The following GTF2H1 variants were observed in gnomAD, a reference collection of about 807,000 sequenced individuals.
GTF2H1 encodes general transcription factor IIH subunit 1, also known as BTF2 p62.
Under a neutral mutation model 71.2 loss-of-function variants are expected in GTF2H1, and 16 were observed. The observed-to-expected ratio is 0.22, with a 90% CI of 0.15 to 0.34. The LOEUF (loss-of-function observed/expected upper bound fraction) is 0.34. Ranked by LOEUF, GTF2H1 falls within the 10% of genes least tolerant of loss-of-function variation. GTF2H1 has a pLI of 1.00. For synonymous variants in GTF2H1, 215 were observed against 219.0 expected, an observed-to-expected ratio of 0.98 and a Z score of 0.16; for missense variants, 498 against 648.2, an observed-to-expected ratio of 0.77 and a Z score of 2.52.
intron 11 of GTF2H1, among the ~76,000 whole-genome samples, chr11:18,354,023 T>G (rs529214938): frequency 6.6e-6 from 1 of 152,314 alleles, no homozygotes; most frequent in South Asian, 2.1e-4. Context: ...GGTTTATGAG[T>G]TGTATTTATT....
rs973484048 is a variant in GTF2H1, at chr11:18,341,252, T to A, written c.608-9T>A. On this transcript the variant is annotated splice_polypyrimidine_tract_variant and intron_variant, in intron 5 of 14. Coordinates refer to ENST00000265963, the MANE Select transcript of GTF2H1 (RefSeq NM_005316.4). ...TCAGTATATAATATTTGTGGGTTTT[T>A]TTCCACAGTAAAAATGAAATATGCA... 1 of 1,603,256 alleles carries A rather than the reference T, an allele frequency of 6.2e-7. No homozygotes were observed. The highest frequency in any genetic ancestry group is 8.5e-7 in the Non-Finnish European group (1 of 1,176,422).
intron 11 of GTF2H1, among the ~76,000 whole-genome samples, chr11:18,357,341 T>C (rs1469593936): frequency 6.6e-6 from 1 of 152,218 alleles, no homozygotes; most frequent in African/African-American, 2.4e-5. Flanking sequence ...GCTATATTTA[T>C]TCACTTCCTT....
chr11:18,353,225 CAAAT>C (rs1387238072), intron 11 of GTF2H1, among the ~76,000 whole-genome samples: 4 of 152,202 alleles, frequency 2.6e-5, no homozygotes, highest in Non-Finnish European at 2.9e-5. Flanking sequence ...AGCTCCATCT[CAAAT>C]AGATAGATAA....
chr11:18,329,223 G>C (rs758293990), intron 1 of GTF2H1, among the ~76,000 whole-genome samples: 1 of 151,974 alleles, frequency 6.6e-6, no homozygotes, highest in Non-Finnish European at 1.5e-5. Context: ...TCATCTAATC[G>C]GGCTTTATTC....
At chr11:18,365,688 G>A (rs972048311) in intron 14 of GTF2H1, 95 bp from the exon 15 acceptor site, 94 of 803,434 alleles carry the variant, frequency 1.2e-4, no homozygotes, top group Middle Eastern at 2.3e-4. Context: ...GAGGAGCTCC[G>A]AAACTACACT....
intron 11 of GTF2H1, 40 bp from the exon 12 acceptor site, chr11:18,357,910 AAG>A (rs1491556827): frequency 8.3e-7 from 1 of 1,200,668 alleles, no homozygotes; most frequent in East Asian, 2.4e-5. Flanking sequence ...AAAAAAAAAA[AAG>A]GGAGGAAAAC....
intron 13 of GTF2H1, among the ~76,000 whole-genome samples, chr11:18,359,320 T>G (rs894977530): frequency 3.9e-5 from 6 of 152,178 alleles, no homozygotes; most frequent in Non-Finnish European, 8.8e-5. Context: ...GCGGGAGAAT[T>G]GTTTGAGCCC....
intron 2 of GTF2H1, among the ~76,000 whole-genome samples, chr11:18,334,107 CGG>C (rs1344226417): frequency 1.3e-5 from 2 of 152,082 alleles, no homozygotes; most frequent in African/African-American, 4.8e-5. Context: ...GGGCCGGGCG[CGG>C]TGGCTCACGC....
chr11:18,346,706 C>T (rs1481388454), intron 7 of GTF2H1, among the ~76,000 whole-genome samples: 1 of 146,322 alleles, frequency 6.8e-6, no homozygotes, highest in African/African-American at 2.5e-5. Context: ...CAGTGTTTTT[C>T]TCACTATATT....
intron 1 of GTF2H1, among the ~76,000 whole-genome samples, chr11:18,325,348 A>C (rs147376135): frequency 6.6e-6 from 1 of 152,334 alleles, no homozygotes; most frequent in East Asian, 1.9e-4. Context: ...TGTGAATTGA[A>C]AACTATAGTG....
intron 9 of GTF2H1, chr11:18,351,663 T>G (rs1865428863): frequency 6.2e-6 from 2 of 322,812 alleles, no homozygotes; most frequent in South Asian, 1.5e-4. Flanking sequence ...AAAAGTTCAA[T>G]AATACTTCAT....
intron 11 of GTF2H1, among the ~76,000 whole-genome samples, chr11:18,355,604 C>T (rs187132152): frequency 1.3e-5 from 2 of 152,160 alleles, no homozygotes; most frequent in East Asian, 1.9e-4. Context: ...TTCCCAGGTT[C>T]AAGCAATCCT....
At position 18,335,525 on chromosome 11, in the gene GTF2H1, T is replaced by C. The variant is rs538695635; in HGVS notation, c.155-229T>C. Among the ~76,000 whole-genome samples, 4 of 152,308 alleles carry C rather than the reference T, an allele frequency of 2.6e-5. No individual in the cohort carries two copies. In the East Asian group the frequency reaches 7.7e-4, roughly 29 times the overall value. Reference sequence around the variant, plus strand: ...GGTAGTAGCAGTGGGTGAGAAGTGCTGCATGACAAGAGTACCAAAGAAGGA... The same window carrying C: ...GGTAGTAGCAGTGGGTGAGAAGTGCCGCATGACAAGAGTACCAAAGAAGGA... On this transcript the variant is annotated intron_variant, in intron 2 of 14. Coordinates refer to ENST00000265963, the MANE Select transcript of GTF2H1 (RefSeq NM_005316.4).
At chr11:18,360,737 CT>C in intron 14 of GTF2H1, 30 bp downstream of exon 14, 4 of 1,082,744 alleles carry the variant, frequency 3.7e-6, no homozygotes, top group Non-Finnish European at 5.5e-6. Context: ...TTTGCCTGAT[CT>C]TCTTTCTCTT....
At chr11:18,352,230 T>C (rs980480389) in intron 10 of GTF2H1, 99 bp from the exon 11 acceptor site, 10 of 664,186 alleles carry the variant, frequency 1.5e-5, no homozygotes, top group Middle Eastern at 2.9e-4. Flanking sequence ...GTTTCTTGCC[T>C]TGAGGGGAAC....
At chr11:18,335,363 C>T (rs1416555936) in intron 2 of GTF2H1, among the ~76,000 whole-genome samples, 1 of 152,134 alleles carries the variant, frequency 6.6e-6, no homozygotes, top group Non-Finnish European at 1.5e-5. Context: ...ATTTTGCAGT[C>T]TTTTGGATCA....
At chr11:18,328,015 A>G (rs997365263) in intron 1 of GTF2H1, among the ~76,000 whole-genome samples, 14 of 151,622 alleles carry the variant, frequency 9.2e-5, no homozygotes, top group Non-Finnish European at 2.1e-4. Flanking sequence ...GCAGCCTGAT[A>G]ACATGGTGAA....
chr11:18,361,561 C>T (rs948422985), intron 14 of GTF2H1, among the ~76,000 whole-genome samples: 1 of 152,042 alleles, frequency 6.6e-6, no homozygotes, highest in Non-Finnish European at 1.5e-5. Flanking sequence ...CCCAGCTACT[C>T]GGGAGGCTGA....
intron 7 of GTF2H1, among the ~76,000 whole-genome samples, chr11:18,345,122 T>C (rs1865258618): frequency 2.0e-5 from 3 of 151,074 alleles, no homozygotes; most frequent in Admixed American, 2.0e-4. Context: ...GCCCAGGAGG[T>C]CAAGGCTGCA....
Sources: gnomAD v4.1 joint callset for allele counts (sites outside exome capture counted in the v4.1 genomes callset) on GRCh38, gnomAD v4.1.1 for gene constraint, MANE v1.5 for transcripts, NCBI Gene and HGNC (gene_info 2026-07-23, HGNC 2026-07-21) for gene names.